Variants in ATP8A2 observed in about 807,000 individuals in gnomAD.
ATP8A2 encodes ATPase phospholipid transporting 8A2.
ATP8A2 carries 100 observed loss-of-function variants against 165.6 expected under a neutral mutation model. The ratio of observed to expected loss-of-function variants is 0.60; its 90% CI spans 0.51 to 0.71. The LOEUF is 0.71. Ranked by LOEUF, ATP8A2 falls within the 30% of genes least tolerant of loss-of-function variation. The probability of loss-of-function intolerance (pLI) is 0.00; values close to 1 mark genes in which losing one functional copy is unlikely to be tolerated. For missense variants in ATP8A2, 1,227 were observed against 1,479.5 expected (o/e 0.83, Z 2.80); for synonymous variants, 543 against 548.8 (o/e 0.99, Z 0.15).
chr13:25,988,836 C>A (rs1476804259), intron 35 of ATP8A2, among the ~76,000 whole-genome samples: 3 of 152,242 alleles, frequency 2.0e-5, no homozygotes, highest in Admixed American at 2.0e-4. Context: ...GAAACAAATA[C>A]CCTAGGCTGA....
chr13:25,570,796 C>G lies in ATP8A2; in HGVS notation c.1503C>G (p.Leu501=). The G allele has an allele frequency of 2.5e-6, 4 of 1,613,806 alleles. No individual in the cohort carries two copies. Among genetic ancestry groups the G allele is most frequent in the Non-Finnish European group, 2.5e-6 (3 of 1,179,760 alleles). ...CAGCCCCTTGCATTCAGGAGTTCCT[C>G]ACCCTTCTGGCCGTGTGCCACACGG... ...HPTAPCIQEF[L]TLLAVCHTVV... is the part of the protein sequence containing the mutation. Residue 501 remains leucine (L), a synonymous_variant, in exon 17 of 37, where the codon CTC becomes CTG. Coordinates refer to ENST00000381655, the MANE Select transcript of ATP8A2 (RefSeq NM_016529.6).
chr13:25,484,034 T>C (rs2036282575), intron 2 of ATP8A2, among the ~76,000 whole-genome samples: 1 of 152,174 alleles, frequency 6.6e-6, no homozygotes. Context: ...TTAGGGTCTT[T>C]TGTACATATA....
intron 1 of ATP8A2, among the ~76,000 whole-genome samples, chr13:25,445,570 T>A (rs552266231): frequency 8.5e-5 from 13 of 152,316 alleles, no homozygotes; most frequent in African/African-American, 2.2e-4. Context: ...TTAAAAAAAA[T>A]TTTAGCCAAA....
chr13:25,533,208 G>A, intron 5 of ATP8A2, 65 bp from the exon 6 acceptor site: 1 of 864,338 alleles, frequency 1.2e-6, no homozygotes, highest in Non-Finnish European at 1.9e-6. Context: ...AAAGCTTTTG[G>A]ATTTTAGGAA....
At chr13:25,490,228 G>A (rs1308572942) in intron 2 of ATP8A2, among the ~76,000 whole-genome samples, 21 of 152,290 alleles carry the variant, frequency 1.4e-4, no homozygotes, top group East Asian at 1.3e-3. Flanking sequence ...GAAGAGTTAC[G>A]GGAGAGAAAC....
intron 35 of ATP8A2, among the ~76,000 whole-genome samples, chr13:26,011,094 T>C (rs1230923932): frequency 6.6e-6 from 1 of 152,158 alleles, no homozygotes; most frequent in Non-Finnish European, 1.5e-5. Flanking sequence ...CACCTGCAGC[T>C]TCTTCTACAA....
chr13:25,573,794 C>T (rs2039537658), intron 18 of ATP8A2, among the ~76,000 whole-genome samples: 1 of 151,962 alleles, frequency 6.6e-6, no homozygotes, highest in Admixed American at 6.6e-5. Context: ...ACTCGGAACT[C>T]GTGGATCCAG....
At chr13:25,613,050 A>G (rs548282102) in intron 24 of ATP8A2, among the ~76,000 whole-genome samples, 130 of 152,204 alleles carry the variant, frequency 8.5e-4, no homozygotes, top group African/African-American at 3.1e-3. Flanking sequence ...GACAGCAGAT[A>G]CTTGGTTGGT....
Position 25,579,932 on chromosome 13 carries a change from C to A in ATP8A2, c.1992C>A (p.Tyr664Ter). The A allele has an allele frequency of 6.2e-7, 1 of 1,613,962 alleles. No individual in the cohort carries two copies. The highest frequency in any genetic ancestry group is 8.5e-7 in the Non-Finnish European group (1 of 1,179,942). The change falls in exon 22 of 37, where the codon TAC becomes TAA. Residue 664 changes from tyrosine to a stop codon, truncating the protein, a stop_gained. Transcript: ENST00000381655. LOFTEE classifies it high-confidence loss of function. Reference sequence around the variant, plus strand: ...GAGCTCAACGGTTGGAAGAGTGTTACGAGATCATTGAGAAGGTAACCGCAC... The same window carrying A: ...GAGCTCAACGGTTGGAAGAGTGTTAAGAGATCATTGAGAAGGTAACCGCAC... ...KDRAQRLEEC[Y>*]EIIEKNLLLL... is the part of the protein sequence containing the mutation.
chr13:25,893,317 T>C lies in ATP8A2; in HGVS notation c.3183+30909T>C, dbSNP rs1040008554. 5.7e-4 allele frequency among the ~76,000 whole-genome samples: 86 copies of C among 151,462 alleles called. 1 individual carries two copies. Among genetic ancestry groups the C allele is most frequent in the African/African-American group, 2.0e-3 (81 of 41,302 alleles). On this transcript the variant is annotated intron_variant, in intron 33 of 36. Transcript: ENST00000381655. ...CATGCGGTGTTTGGTTTTTTGTCCT[T>C]GTGGTAGTTTGCTGAGAATGATGGT...
intron 24 of ATP8A2, among the ~76,000 whole-genome samples, chr13:25,664,224 C>A (rs1433106687): frequency 6.6e-6 from 1 of 152,138 alleles, no homozygotes; most frequent in South Asian, 2.1e-4. Flanking sequence ...TGGTAATTTA[C>A]TTTCTTGTAA....
chr13:25,444,708 T>C (rs1349102358), intron 1 of ATP8A2, among the ~76,000 whole-genome samples: 1 of 151,942 alleles, frequency 6.6e-6, no homozygotes, highest in Non-Finnish European at 1.5e-5. Context: ...TGCAATGGTG[T>C]GATCTCAGCT....
At chr13:25,849,343 A>G (rs940816134) in intron 30 of ATP8A2, among the ~76,000 whole-genome samples, 4 of 152,226 alleles carry the variant, frequency 2.6e-5, no homozygotes, top group African/African-American at 9.6e-5. Context: ...CCACTATGTT[A>G]TAACATTGTC....
chr13:25,419,594 A>G (rs758846810), intron 1 of ATP8A2, among the ~76,000 whole-genome samples: 4 of 152,224 alleles, frequency 2.6e-5, no homozygotes, highest in Non-Finnish European at 5.9e-5. Context: ...AAGAAGTGCC[A>G]TGATGCAAAC....
chr13:25,559,897 A>G (rs2039090674), intron 15 of ATP8A2, 132 bp downstream of exon 15: 2 of 651,858 alleles, frequency 3.1e-6, no homozygotes, highest in Non-Finnish European at 5.2e-6. Context: ...ATACTGTCAT[A>G]GCTCACTGTA....
At position 26,013,680 on chromosome 13, in the gene ATP8A2, A is replaced by AC. The variant is rs1056062014; in HGVS notation, c.3469+1058_3469+1059insC. Among the ~76,000 whole-genome samples the AC allele has an allele frequency of 5.9e-4, 21 of 35,858 alleles. No homozygotes were observed. In the South Asian group the frequency reaches 0.044, roughly 75 times the overall value. The allele number at this position is 35,858 out of a possible 152,430, so 23.5% of individuals were successfully genotyped here. ...CAAGAGCGAAACTTGGTCTCAAAAA[A>AC]AAAAAAAAAGAAAGAAAGAAAGAGA... On this transcript the variant is annotated intron_variant, in intron 36 of 36. Coordinates refer to ENST00000381655, the MANE Select transcript of ATP8A2 (RefSeq NM_016529.6).
At chr13:25,945,898 T>C (rs538468298) in intron 33 of ATP8A2, among the ~76,000 whole-genome samples, 1 of 152,312 alleles carries the variant, frequency 6.6e-6, no homozygotes, top group African/African-American at 2.4e-5. Context: ...CACACGGCAC[T>C]GTACAGATGT....
chr13:25,408,858 T>C (rs529174311), intron 1 of ATP8A2, among the ~76,000 whole-genome samples: 2 of 152,356 alleles, frequency 1.3e-5, no homozygotes, highest in African/African-American at 4.8e-5. Context: ...ATTATGATCC[T>C]CTTGGAATGC....
chr13:25,694,495 C>T (rs1350356791), intron 24 of ATP8A2, among the ~76,000 whole-genome samples: 1 of 152,138 alleles, frequency 6.6e-6, no homozygotes, highest in African/African-American at 2.4e-5. Context: ...TAGAATTTCC[C>T]AGACTTACCT....
Sources: gnomAD v4.1 joint callset for allele counts (sites outside exome capture counted in the v4.1 genomes callset) on GRCh38, gnomAD v4.1.1 for gene constraint, MANE v1.5 for transcripts, NCBI Gene and HGNC (gene_info 2026-07-23, HGNC 2026-07-21) for gene names.